CDH18: variants seen among roughly 807,000 people sequenced by gnomAD.
CDH18 encodes the protein cadherin-18.
A neutral mutation model predicts 67.9 loss-of-function variants in CDH18; 31 were observed. The ratio of observed to expected loss-of-function variants is 0.46; its 90% CI spans 0.34 to 0.62. CDH18 has a LOEUF of 0.62. Ranked by LOEUF, CDH18 falls within the 20% of genes least tolerant of loss-of-function variation. CDH18 has a pLI of 0.01. For missense variants in CDH18, 890 were observed against 975.5 expected (o/e 0.91, Z 1.17); for synonymous variants, 362 against 347.2 (o/e 1.04, Z -0.48).
intron 3 of CDH18, among the ~76,000 whole-genome samples, chr5:19,814,441 T>C (rs1416385403): frequency 6.6e-6 from 1 of 152,040 alleles, no homozygotes; most frequent in African/African-American, 2.4e-5. Context: ...CCTGGCACTA[T>C]TGCAATTTTG....
chr5:19,870,660 G>T (rs1786161331), intron 2 of CDH18, among the ~76,000 whole-genome samples: 1 of 152,034 alleles, frequency 6.6e-6, no homozygotes, highest in Admixed American at 6.6e-5. Flanking sequence ...AACCATTAAT[G>T]GCTTCTATTT....
At chr5:19,531,132 T>A (rs934991267) in intron 9 of CDH18, among the ~76,000 whole-genome samples, 1 of 152,200 alleles carries the variant, frequency 6.6e-6, no homozygotes, top group Non-Finnish European at 1.5e-5. Flanking sequence ...AAGAAAATGT[T>A]CTTTGAAAAA....
intron 1 of CDH18, among the ~76,000 whole-genome samples, chr5:20,279,291 A>T (rs1477037893): frequency 2.6e-5 from 4 of 152,292 alleles, no homozygotes; most frequent in Admixed American, 2.0e-4. Flanking sequence ...CAAAAACTAT[A>T]AAAAGAGAAA....
intron 8 of CDH18, among the ~76,000 whole-genome samples, chr5:19,555,882 C>T (rs1478886381): frequency 2.0e-5 from 3 of 152,306 alleles, no homozygotes; most frequent in African/African-American, 7.2e-5. Context: ...CACTCCCCTG[C>T]TACCTATAAT....
intron 9 of CDH18, among the ~76,000 whole-genome samples, chr5:19,538,910 G>A (rs556905012): frequency 2.6e-5 from 4 of 152,056 alleles, no homozygotes; most frequent in South Asian, 2.1e-4. Flanking sequence ...CTTCAGAAAC[G>A]GTACATTAAG....
At chr5:20,124,342 G>T (rs1748640800) in intron 2 of CDH18, among the ~76,000 whole-genome samples, 1 of 152,114 alleles carries the variant, frequency 6.6e-6, no homozygotes, top group South Asian at 2.1e-4. Flanking sequence ...AAAGAATCGC[G>T]CTGCAAACAA....
At chr5:19,670,236 A>T (rs1758556645) in intron 5 of CDH18, among the ~76,000 whole-genome samples, 1 of 152,160 alleles carries the variant, frequency 6.6e-6, no homozygotes, top group South Asian at 2.1e-4. Context: ...GTTTTTTTTC[A>T]GATAAACATG....
intron 3 of CDH18, among the ~76,000 whole-genome samples, chr5:19,798,449 A>C (rs1295065972): frequency 6.6e-6 from 1 of 152,080 alleles, no homozygotes; most frequent in Non-Finnish European, 1.5e-5. Flanking sequence ...ATGAATTTCC[A>C]GACCTTTGGA....
chr5:19,658,667 T>A (rs895646263), intron 5 of CDH18, among the ~76,000 whole-genome samples: 8 of 151,920 alleles, frequency 5.3e-5, no homozygotes, highest in East Asian at 3.9e-4. Context: ...TTTTTTTTTT[T>A]AAATTATAAA....
At chr5:20,047,187 T>C (rs896615466) in intron 2 of CDH18, among the ~76,000 whole-genome samples, 1 of 151,698 alleles carries the variant, frequency 6.6e-6, no homozygotes, top group Non-Finnish European at 1.5e-5. Flanking sequence ...TGGGCTTAGA[T>C]ACAATTGGGT....
intron 5 of CDH18, among the ~76,000 whole-genome samples, chr5:19,664,146 A>T (rs1433735930): frequency 6.6e-6 from 1 of 151,904 alleles, no homozygotes; most frequent in Non-Finnish European, 1.5e-5. Context: ...ATGTAGTGAC[A>T]ATTAGTTTAA....
At chr5:20,034,968 AT>A (rs533736822) in intron 2 of CDH18, among the ~76,000 whole-genome samples, 105 of 152,188 alleles carry the variant, frequency 6.9e-4, no homozygotes, top group Non-Finnish European at 1.2e-3. Context: ...GTTGACTTGC[AT>A]AACCAATAAA....
intron 5 of CDH18, among the ~76,000 whole-genome samples, chr5:19,613,432 C>T (rs921270274): frequency 2.0e-5 from 3 of 152,024 alleles, no homozygotes; most frequent in African/African-American, 7.2e-5. Flanking sequence ...CTAAGAAACT[C>T]ACTATTTTTG....
chr5:20,164,354 T>C (rs999616924), intron 2 of CDH18, among the ~76,000 whole-genome samples: 1 of 152,168 alleles, frequency 6.6e-6, no homozygotes, highest in African/African-American at 2.4e-5. Flanking sequence ...TGGTGTGATA[T>C]TGGCTCACTG....
At chr5:19,686,036 C>A (rs1761049257) in intron 5 of CDH18, among the ~76,000 whole-genome samples, 3 of 152,016 alleles carry the variant, frequency 2.0e-5, no homozygotes, top group Admixed American at 6.6e-5. Context: ...CTAATAAATT[C>A]CTAGAAGTGT....
intron 3 of CDH18, among the ~76,000 whole-genome samples, chr5:19,808,630 G>A (rs527623347): frequency 8.6e-4 from 130 of 151,412 alleles, no homozygotes; most frequent in Non-Finnish European, 1.6e-3. Flanking sequence ...GTTCTAGACC[G>A]GCCTGGCCAA....
intron 10 of CDH18, among the ~76,000 whole-genome samples, chr5:19,507,664 C>A (rs1009036602): frequency 6.6e-6 from 1 of 152,078 alleles, no homozygotes; most frequent in African/African-American, 2.4e-5. Context: ...GACAAAAAAC[C>A]AAACACCACA....
intron 5 of CDH18, among the ~76,000 whole-genome samples, chr5:19,718,514 CA>C: frequency 6.6e-6 from 1 of 151,958 alleles, no homozygotes; most frequent in Admixed American, 6.6e-5. Flanking sequence ...GGATGTTTAA[CA>C]GCATCATAAT....
At chr5:20,228,561 C>T (rs1283680042) in intron 2 of CDH18, among the ~76,000 whole-genome samples, 3 of 152,050 alleles carry the variant, frequency 2.0e-5, no homozygotes, top group Non-Finnish European at 4.4e-5. Context: ...CAATAGATCT[C>T]TTGAAATATC....
Sources: gnomAD v4.1 joint callset for allele counts (sites outside exome capture counted in the v4.1 genomes callset) on GRCh38, gnomAD v4.1.1 for gene constraint, MANE v1.5 for transcripts, NCBI Gene and HGNC (gene_info 2026-07-23, HGNC 2026-07-21) for gene names.